KAZN: variants seen among roughly 807,000 people sequenced by gnomAD.
KAZN encodes the protein kazrin.
KAZN carries 40 observed loss-of-function variants against 87.4 expected under a neutral mutation model. The observed-to-expected ratio is 0.46, with a 90% CI of 0.36 to 0.60. The LOEUF is 0.60. Ranked by LOEUF, KAZN falls within the 20% of genes least tolerant of loss-of-function variation. The probability of loss-of-function intolerance (pLI) is 0.00; values close to 1 mark genes in which losing one functional copy is unlikely to be tolerated. For missense variants in KAZN, 898 were observed against 1,073.9 expected (o/e 0.84, Z 2.29); for synonymous variants, 466 against 458.3 (o/e 1.02, Z -0.22).
At chr1:14,925,346 G>T (rs1659057656) in intron 1 of KAZN, among the ~76,000 whole-genome samples, 1 of 152,184 alleles carries the variant, frequency 6.6e-6, no homozygotes, top group South Asian at 2.1e-4. Flanking sequence ...TTCTGAGAAG[G>T]GGCTGCCATC....
intron 1 of KAZN, among the ~76,000 whole-genome samples, chr1:14,614,002 G>C (rs1398844395): frequency 6.6e-6 from 1 of 152,106 alleles, no homozygotes; most frequent in African/African-American, 2.4e-5. Context: ...GTGACTTCCT[G>C]GTATGAATAC....
intron 1 of KAZN, among the ~76,000 whole-genome samples, chr1:14,762,589 G>GTGA (rs1329215635): frequency 1.3e-5 from 2 of 152,150 alleles, no homozygotes; most frequent in Non-Finnish European, 2.9e-5. Context: ...GCCAGTCGCG[G>GTGA]TGGCAGGCGC....
chr1:14,753,713 C>T (rs1644475767), intron 1 of KAZN, among the ~76,000 whole-genome samples: 1 of 152,230 alleles, frequency 6.6e-6, no homozygotes, highest in Non-Finnish European at 1.5e-5. Context: ...AGCTGAAGGA[C>T]TGCAGGCCCC....
chr1:14,039,047 T>C (rs1641686153), intron 1 of KAZN, among the ~76,000 whole-genome samples: 1 of 151,932 alleles, frequency 6.6e-6, no homozygotes, highest in African/African-American at 2.4e-5. Context: ...GGTGTGTGCC[T>C]GTAATCCCAG....
chr1:13,980,906 G>A (rs1234101420), intron 1 of KAZN, among the ~76,000 whole-genome samples: 3 of 151,568 alleles, frequency 2.0e-5, no homozygotes, highest in East Asian at 1.9e-4. Context: ...GGTCTGTCTA[G>A]CATGGCAGAC....
intron 1 of KAZN, among the ~76,000 whole-genome samples, chr1:13,896,046 C>T (rs1570206636): frequency 6.6e-6 from 1 of 151,768 alleles, no homozygotes; most frequent in East Asian, 1.9e-4. Flanking sequence ...GGCTACAGTG[C>T]AGTGGCATGA....
At position 14,109,813 on chromosome 1, in the gene KAZN, C is replaced by T. The variant is rs770393219; in HGVS notation, c.92-70622C>T. ...CTGAAAATGCCATTCCTTATCAAAA[C>T]GATTTCAGCGTCAAGTAGGAGCTGT... is the stretch of plus-strand genomic sequence containing the variant. On this transcript the variant is annotated intron_variant, in intron 1 of 16. Transcript: ENST00000636203. Among the ~76,000 whole-genome samples the T allele has an allele frequency of 2.3e-4, 29 of 125,478 alleles. 2 individuals are homozygous for T. The highest frequency in any genetic ancestry group is 1.6e-3 in the South Asian group (6 of 3,782). The allele number at this position is 125,478 out of a possible 152,430, so 82.3% of individuals were successfully genotyped here. A position where few individuals can be genotyped will look rare whatever the true frequency, so the allele number is the denominator to read the frequency against.
rs1277703145 is a variant in KAZN, at chr1:15,081,920, C to G, written c.1223-12260C>G. Among the ~76,000 whole-genome samples the G allele has an allele frequency of 6.6e-6, 1 of 151,964 alleles. No homozygotes were observed. Among genetic ancestry groups the G allele is most frequent in the Non-Finnish European group, 1.5e-5 (1 of 67,984 alleles). On this transcript the variant is annotated intron_variant, in intron 8 of 14. Transcript: ENST00000376030. The surrounding 1 kb of genome is among the most constrained non-coding windows in gnomAD (Gnocchi z 4.1). ...AGCAGAAGAGGTCCCTGGGAAGATA[C>G]CATTTTTTAAAAAAATTTCCTCTGG...
chr1:14,154,953 T>TCTTCCTCCCTTCCTTC (rs1645557875), intron 1 of KAZN, among the ~76,000 whole-genome samples: 1 of 134,794 alleles, frequency 7.4e-6, no homozygotes, highest in South Asian at 2.4e-4. Flanking sequence ...TTGTAGTTTT[T>TCTTCCTCCCTTCCTTC]CTTCCTTCCT....
chr1:14,494,695 A>C (rs1365364855), intron 2 of KAZN, among the ~76,000 whole-genome samples: 1 of 152,200 alleles, frequency 6.6e-6, no homozygotes, highest in Non-Finnish European at 1.5e-5. Flanking sequence ...TGTAATGTCC[A>C]AGCAAAACCA....
chr1:14,338,964 A>G (rs1196630974), intron 2 of KAZN, among the ~76,000 whole-genome samples: 2 of 152,188 alleles, frequency 1.3e-5, no homozygotes, highest in Admixed American at 6.5e-5. Flanking sequence ...ACATTGCTGA[A>G]TCAATCCTTG....
intron 1 of KAZN, among the ~76,000 whole-genome samples, chr1:14,138,703 C>G (rs1645164536): frequency 6.6e-6 from 1 of 152,222 alleles, no homozygotes; most frequent in South Asian, 2.1e-4. Flanking sequence ...CCCCATCGCA[C>G]CATCTCCATC....
At chr1:14,224,509 G>A (rs1050249380) in intron 2 of KAZN, among the ~76,000 whole-genome samples, 1 of 152,178 alleles carries the variant, frequency 6.6e-6, no homozygotes, top group Non-Finnish European at 1.5e-5. Flanking sequence ...ACAGATGCCA[G>A]AGAAAACTTC....
At chr1:14,358,447 A>T (rs1227708063) in intron 2 of KAZN, among the ~76,000 whole-genome samples, 3 of 147,816 alleles carry the variant, frequency 2.0e-5, no homozygotes, top group African/African-American at 7.5e-5. Flanking sequence ...GATTTTAGTT[A>T]TTTCTTGTAT....
intron 1 of KAZN, among the ~76,000 whole-genome samples, chr1:14,696,655 G>C (rs189395494): frequency 1.7e-4 from 26 of 152,288 alleles, no homozygotes; most frequent in Non-Finnish European, 3.4e-4. Context: ...GCATGCTTCA[G>C]AGTCATCTAG....
At chr1:14,130,566 C>A (rs540028197) in intron 1 of KAZN, among the ~76,000 whole-genome samples, 33 of 151,980 alleles carry the variant, frequency 2.2e-4, no homozygotes, top group Non-Finnish European at 1.0e-4. Context: ...GATCTGTGAG[C>A]CTGTGGATAA....
At position 14,040,188 on chromosome 1, in the gene KAZN, A is replaced by C. The variant is rs565166588; in HGVS notation, c.92-140247A>C. ...TTACCTGGCTCAGGCAATAAACCCA[A>C]CCTGGGTGACTCATTTCCACCAAAT... On this transcript the variant is annotated intron_variant, in intron 1 of 16. Transcript: ENST00000636203. Among the ~76,000 whole-genome samples the C allele has an allele frequency of 2.0e-5, 3 of 152,218 alleles. No individual in the cohort carries two copies. The East Asian group carries it at 5.8e-4, about 29-fold the overall frequency.
chr1:13,979,200 G>C (rs1638535278), intron 1 of KAZN, among the ~76,000 whole-genome samples: 1 of 151,602 alleles, frequency 6.6e-6, no homozygotes, highest in South Asian at 2.1e-4. Context: ...AAACCTCAGG[G>C]GGAAACCCGT....
chr1:13,915,070 A>G (rs1639793432), intron 1 of KAZN, among the ~76,000 whole-genome samples: 1 of 152,224 alleles, frequency 6.6e-6, no homozygotes, highest in Non-Finnish European at 1.5e-5. Context: ...AATAGAAAAC[A>G]TACAGAAATC....
Sources: gnomAD v4.1 joint callset for allele counts (sites outside exome capture counted in the v4.1 genomes callset) on GRCh38, gnomAD v4.1.1 for gene constraint, Gnocchi (gnomAD v3.1) non-coding constraint, MANE v1.5 for transcripts, NCBI Gene and HGNC (gene_info 2026-07-23, HGNC 2026-07-21) for gene names.